The following MLLT3 variants were observed in gnomAD, a reference collection of about 807,000 sequenced individuals.
MLLT3 encodes MLLT3 super elongation complex subunit, also known as protein AF-9.
Under a neutral mutation model 53.2 loss-of-function variants are expected in MLLT3, and 4 were observed. The observed-to-expected ratio is 0.08, with a 90% confidence interval of 0.04 to 0.17. The LOEUF is 0.17. Among genes scored for constraint, MLLT3 ranks in the 10% least tolerant of loss-of-function variants. The pLI, the probability that MLLT3 is intolerant of heterozygous loss-of-function variation, is 1.00. For missense variants in MLLT3, 569 were observed against 684.0 expected, an observed-to-expected ratio of 0.83 and a Z score of 1.87; for synonymous variants, 283 against 230.6, an observed-to-expected ratio of 1.23 and a Z score of -2.06.
At chr9:20,363,916 T>C (rs1050944795) in intron 6 of MLLT3, among the ~76,000 whole-genome samples, 1 of 152,162 alleles carries the variant, frequency 6.6e-6, no homozygotes, top group Non-Finnish European at 1.5e-5. Context: ...TATCAGTAAA[T>C]TGAATGTTTT....
chr9:20,346,395 C>CAAAAA lies in MLLT3; in HGVS notation c.*43_*47dup. ...AATCACAACCAAAAAAAAAAAAAAC[C>CAAAAA]AAAAAAAAAAAACACAATAGTTCTT... On this transcript the variant is annotated 3_prime_UTR_variant, in exon 11 of 11. Transcript: ENST00000380338. 4.0e-6 allele frequency: 4 copies of CAAAAA among 1,001,570 alleles called. No individual in the cohort carries two copies. Among genetic ancestry groups the CAAAAA allele is most frequent in the Admixed American group, 3.7e-5 (1 of 27,310 alleles). The allele number at this position is 1,001,570 out of a possible 1,614,324, so 62.0% of individuals were successfully genotyped here.
intron 5 of MLLT3, among the ~76,000 whole-genome samples, chr9:20,374,406 T>C (rs755808860): frequency 6.6e-5 from 10 of 152,122 alleles, no homozygotes; most frequent in Non-Finnish European, 1.5e-4. Flanking sequence ...ATAACATCCA[T>C]GCCAAACAAT....
At chr9:20,611,586 A>C (rs1390473706) in intron 2 of MLLT3, among the ~76,000 whole-genome samples, 1 of 152,136 alleles carries the variant, frequency 6.6e-6, no homozygotes, top group Non-Finnish European at 1.5e-5. Flanking sequence ...TAACTAATTA[A>C]AGGTAACTAA....
chr9:20,492,192 C>A (rs1284319325), intron 2 of MLLT3, among the ~76,000 whole-genome samples: 1 of 151,950 alleles, frequency 6.6e-6, no homozygotes, highest in East Asian at 1.9e-4. Context: ...GGATTGATAT[C>A]ATTTATTTGC....
chr9:20,522,702 T>C (rs1818094733), intron 2 of MLLT3, among the ~76,000 whole-genome samples: 1 of 152,000 alleles, frequency 6.6e-6, no homozygotes, highest in Non-Finnish European at 1.5e-5. Flanking sequence ...TTGCAAGGGA[T>C]GCTGTCAAGA....
chr9:20,542,366 T>C (rs928299064), intron 2 of MLLT3, among the ~76,000 whole-genome samples: 3 of 150,770 alleles, frequency 2.0e-5, no homozygotes, highest in African/African-American at 7.3e-5. Context: ...TTCTCCTGCC[T>C]CAGCCTCCCG....
intron 5 of MLLT3, among the ~76,000 whole-genome samples, chr9:20,382,907 C>T (rs1252761148): frequency 6.6e-6 from 1 of 151,412 alleles, no homozygotes; most frequent in East Asian, 1.9e-4. Flanking sequence ...TATTTTTAAA[C>T]TGTAAGACCT....
At chr9:20,613,422 T>C (rs978162649) in intron 2 of MLLT3, among the ~76,000 whole-genome samples, 1 of 152,130 alleles carries the variant, frequency 6.6e-6, no homozygotes, top group South Asian at 2.1e-4. Flanking sequence ...GACTGAAGGG[T>C]TGGAAGAAAA....
Position 20,343,214 on chromosome 9 carries a change from A to AAAAAAAAAAAAAAAAAAAAT in MLLT3, c.*3228_*3229insATTTTTTTTTTTTTTTTTTT, listed in dbSNP as rs56934102. ...AAAAAAAAAAAAAAAAAAAAAAAAAATTTTGAAGAAACTTTTTAGTGGAAG... is the reference window on the plus strand; with the variant it reads ...AAAAAAAAAAAAAAAAAAAAAAAAAAAAAAAAAAAAAAAAAAAAATTTTTGAAGAAACTTTTTAGTGGAAG... On this transcript the variant is annotated 3_prime_UTR_variant, in exon 11 of 11. Coordinates refer to ENST00000380338, the MANE Select transcript of MLLT3 (RefSeq NM_004529.4). The AAAAAAAAAAAAAAAAAAAAT allele has an allele frequency of 8.7e-6, 1 of 115,072 alleles. No individual in the cohort carries two copies. The highest frequency in any genetic ancestry group is 6.7e-5 in the African/African-American group (1 of 14,954). The allele number at this position is 115,072 out of a possible 1,614,324, so 7.1% of individuals were successfully genotyped here.
chr9:20,543,641 C>T (rs769887453), intron 2 of MLLT3, among the ~76,000 whole-genome samples: 2 of 150,202 alleles, frequency 1.3e-5, no homozygotes, highest in Non-Finnish European at 3.0e-5. Flanking sequence ...GACCCTGTCC[C>T]AGAAAGAAGA....
At chr9:20,419,268 G>A (rs527511333) in intron 4 of MLLT3, among the ~76,000 whole-genome samples, 8 of 151,982 alleles carry the variant, frequency 5.3e-5, no homozygotes, top group Non-Finnish European at 1.2e-4. Flanking sequence ...GTAGAAGATC[G>A]ATGCTAACTG....
intron 2 of MLLT3, among the ~76,000 whole-genome samples, chr9:20,617,264 C>T (rs998166225): frequency 9.2e-5 from 14 of 152,120 alleles, no homozygotes; most frequent in African/African-American, 3.1e-4. Context: ...TAAAAACTTA[C>T]CCAAATTATT....
chr9:20,514,259 T>C (rs2118966813), intron 2 of MLLT3, among the ~76,000 whole-genome samples: 1 of 152,270 alleles, frequency 6.6e-6, no homozygotes, highest in Non-Finnish European at 1.5e-5. Flanking sequence ...AAATGTCCTG[T>C]GTCCTGATGA....
chr9:20,516,734 T>C (rs1817929369), intron 2 of MLLT3, among the ~76,000 whole-genome samples: 1 of 152,206 alleles, frequency 6.6e-6, no homozygotes, highest in African/African-American at 2.4e-5. Flanking sequence ...CATGGGAATG[T>C]TAAATTGGTA....
rs539578293 is a variant in MLLT3 at position 20,476,513 on chromosome 9, T to A, written c.194-19727A>T. Among the ~76,000 whole-genome samples, 6 of 152,226 alleles carry A rather than the reference T, an allele frequency of 3.9e-5. No individual in the cohort carries two copies. In the South Asian group the frequency reaches 8.3e-4, roughly 21 times the overall value. On this transcript the variant is annotated intron_variant, in intron 2 of 10. Coordinates refer to ENST00000380338, the MANE Select transcript of MLLT3 (RefSeq NM_004529.4). ...GTAAAATACTGCCAAAAAATTTATA[T>A]CCTTAAAACAAATAAGTAATGTCAA...
At position 20,472,830 on chromosome 9, in the gene MLLT3, T is replaced by G. The variant is rs138561154; in HGVS notation, c.194-16044A>C. Among the ~76,000 whole-genome samples the G allele has an allele frequency of 3.3e-5, 5 of 151,994 alleles. No homozygotes were observed. In the East Asian group the frequency reaches 9.7e-4, roughly 29 times the overall value. On this transcript the variant is annotated intron_variant, in intron 2 of 10. Coordinates refer to ENST00000380338, the MANE Select transcript of MLLT3 (RefSeq NM_004529.4). ...TGCAATTCAATCCTCTCCTAGTCATTCAAAAGTTGGCCACACTCCCAAAGA... is the reference window on the plus strand; with the variant it reads ...TGCAATTCAATCCTCTCCTAGTCATGCAAAAGTTGGCCACACTCCCAAAGA...
intron 10 of MLLT3, among the ~76,000 whole-genome samples, chr9:20,347,359 T>C (rs1323561477): frequency 1.3e-5 from 2 of 152,212 alleles, no homozygotes; most frequent in Non-Finnish European, 2.9e-5. Context: ...ATTTAAGGTA[T>C]TCAATTAAAT....
Position 20,621,257 on chromosome 9 carries a change from C to T in MLLT3, c.13-423G>A. ...GGGGACCGAAGGGCTCCTGGCGAGCCCCCTCCCCGAAAGTACCGCGGCGAC... is the reference window on the plus strand; with the variant it reads ...GGGGACCGAAGGGCTCCTGGCGAGCTCCCTCCCCGAAAGTACCGCGGCGAC... On this transcript the variant is annotated intron_variant, in intron 1 of 10. Coordinates refer to ENST00000380338, the MANE Select transcript of MLLT3 (RefSeq NM_004529.4). The surrounding 1 kb of genome is among the most constrained non-coding windows in gnomAD (Gnocchi z 7.0). Among the ~76,000 whole-genome samples, 1 of 152,150 alleles carries T rather than the reference C, an allele frequency of 6.6e-6. No homozygotes were observed. Among genetic ancestry groups the T allele is most frequent in the East Asian group, 1.9e-4 (1 of 5,166 alleles).
At position 20,445,395 on chromosome 9, in the gene MLLT3, T is replaced by C. The variant is rs115381427; in HGVS notation, c.420+2728A>G. On this transcript the variant is annotated intron_variant, in intron 4 of 10. Coordinates refer to ENST00000380338, the MANE Select transcript of MLLT3 (RefSeq NM_004529.4). ...AGACTATTTAGGAAATAGTATGACA[T>C]TGAAATTAAAAACAAAATCCAGTGA... Among the ~76,000 whole-genome samples the C allele has an allele frequency of 9.9e-3, 1,510 of 152,202 alleles. 29 individuals are homozygous for C. Among genetic ancestry groups the C allele is most frequent in the African/African-American group, 0.035 (1,448 of 41,530 alleles).
Sources: allele counts gnomAD v4.1 joint callset (sites outside exome capture counted in the v4.1 genomes callset), GRCh38; gene constraint gnomAD v4.1.1; non-coding constraint Gnocchi (gnomAD v3.1); transcripts MANE v1.5; gene names NCBI Gene and HGNC (gene_info 2026-07-23, HGNC 2026-07-21).